The following CADM2 variants were observed in gnomAD, a reference collection of about 807,000 sequenced individuals.
The protein encoded by CADM2 is cell adhesion molecule 2.
A neutral mutation model predicts 49.8 loss-of-function variants in CADM2; 12 were observed. The observed-to-expected ratio is 0.24, with a 90% CI of 0.15 to 0.39. CADM2 has a LOEUF of 0.39. CADM2 is among the 10% of genes least tolerant of loss of function. The probability of loss-of-function intolerance (pLI) is 1.00; values close to 1 mark genes in which losing one functional copy is unlikely to be tolerated. For synonymous variants in CADM2, 214 were observed against 175.4 expected, an observed-to-expected ratio of 1.22 and a Z score of -1.74; for missense variants, 378 against 492.3, an observed-to-expected ratio of 0.77 and a Z score of 2.20.
At chr3:85,959,327 C>G (rs997515242) in intron 7 of CADM2, among the ~76,000 whole-genome samples, 9 of 151,714 alleles carry the variant, frequency 5.9e-5, no homozygotes, top group African/African-American at 2.2e-4. Flanking sequence ...AAACCCTGCC[C>G]TTTTAGGTTT....
chr3:85,848,086 C>A (rs2074955561), intron 3 of CADM2, among the ~76,000 whole-genome samples: 1 of 151,790 alleles, frequency 6.6e-6, no homozygotes, highest in Admixed American at 6.6e-5. Flanking sequence ...TTGATTGTTT[C>A]TCTTATGAAA....
intron 1 of CADM2, among the ~76,000 whole-genome samples, chr3:85,021,517 G>C (rs971427957): frequency 3.3e-5 from 5 of 152,100 alleles, no homozygotes; most frequent in Admixed American, 3.3e-4. Flanking sequence ...ACTCACACCT[G>C]TAATCCCAGC....
At position 85,992,351 on chromosome 3, in the gene CADM2, A is replaced by G. The variant is rs546162777; in HGVS notation, c.970+30704A>G. ...CTTAAGTTTTTAGTAAGTTTTAATG[A>G]CCTTCCTCTGAATATGAAAATATTA... On this transcript the variant is annotated intron_variant, in intron 8 of 9. Coordinates refer to ENST00000383699, the MANE Select transcript of CADM2 (RefSeq NM_001167675.2). 3.3e-5 allele frequency: 5 copies of G among 152,208 alleles called. No individual in the cohort carries two copies. In the South Asian group the frequency reaches 8.3e-4, roughly 25 times the overall value. 9.4% of individuals were successfully genotyped at this position (152,208 alleles called of 1,614,324 possible). A position where few individuals can be genotyped will look rare whatever the true frequency, so the allele number is the denominator to read the frequency against.
chr3:85,910,735 G>T (rs183991224), intron 5 of CADM2, among the ~76,000 whole-genome samples: 275 of 151,990 alleles, frequency 1.8e-3, no homozygotes, highest in African/African-American at 5.9e-3. Context: ...AAAACATTTT[G>T]TGGTAAAAAT....
chr3:85,310,718 G>C (rs146750008), intron 1 of CADM2, among the ~76,000 whole-genome samples: 1 of 151,946 alleles, frequency 6.6e-6, no homozygotes, highest in East Asian at 1.9e-4. Flanking sequence ...GGTTTTTTCT[G>C]TTCCTTTTTG....
intron 1 of CADM2, among the ~76,000 whole-genome samples, chr3:85,628,608 T>C (rs1463763876): frequency 7.2e-6 from 1 of 139,196 alleles, no homozygotes; most frequent in East Asian, 2.1e-4. Context: ...TACACATATA[T>C]ACATTTATAT....
intron 6 of CADM2, among the ~76,000 whole-genome samples, chr3:85,930,484 T>G (rs555549634): frequency 6.6e-6 from 1 of 152,130 alleles, no homozygotes; most frequent in Non-Finnish European, 1.5e-5. Flanking sequence ...TATTTTAAAA[T>G]ATATAGTTAA....
At chr3:85,813,156 C>T (rs1201051563) in intron 3 of CADM2, among the ~76,000 whole-genome samples, 1 of 151,972 alleles carries the variant, frequency 6.6e-6, no homozygotes, top group Non-Finnish European at 1.5e-5. Context: ...ACTAATTTAC[C>T]CTCCCACCAA....
intron 2 of CADM2, among the ~76,000 whole-genome samples, chr3:85,748,645 C>G (rs1168623240): frequency 3.9e-5 from 6 of 152,142 alleles, no homozygotes; most frequent in Non-Finnish European, 5.9e-5. Context: ...TTTCCTCAGT[C>G]TTTCCACAGC....
At chr3:85,734,633 ATC>A (rs1273881545) in intron 2 of CADM2, among the ~76,000 whole-genome samples, 4 of 147,798 alleles carry the variant, frequency 2.7e-5, no homozygotes, top group South Asian at 2.1e-4. Context: ...AACTCACCAT[ATC>A]TCTCTCTTTT....
intron 1 of CADM2, among the ~76,000 whole-genome samples, chr3:85,204,812 A>G (rs1162129980): frequency 6.6e-6 from 1 of 152,110 alleles, no homozygotes; most frequent in African/African-American, 2.4e-5. Context: ...AATAATTTGT[A>G]CTACTATCTT....
intron 8 of CADM2, among the ~76,000 whole-genome samples, chr3:86,030,404 T>C (rs1734419505): frequency 6.6e-6 from 1 of 152,012 alleles, no homozygotes. Context: ...CCTGGAACTC[T>C]TAAGGATATT....
At chr3:85,118,733 A>G (rs2107585557) in intron 1 of CADM2, among the ~76,000 whole-genome samples, 1 of 152,204 alleles carries the variant, frequency 6.6e-6, no homozygotes, top group African/African-American at 2.4e-5. Flanking sequence ...AATGTTGTCC[A>G]TTTATTTATA....
chr3:86,059,781 G>A (rs1738397711), intron 8 of CADM2, among the ~76,000 whole-genome samples: 1 of 152,046 alleles, frequency 6.6e-6, no homozygotes. Flanking sequence ...TACTCTTCCT[G>A]CATCATTCAG....
chr3:85,245,260 C>A (rs1217999208), intron 1 of CADM2, among the ~76,000 whole-genome samples: 3 of 152,238 alleles, frequency 2.0e-5, no homozygotes, highest in Admixed American at 6.5e-5. Context: ...AGCCTGTAAT[C>A]CCAGCACTTT....
At chr3:85,158,880 A>G (rs1206243581) in intron 1 of CADM2, among the ~76,000 whole-genome samples, 2 of 152,066 alleles carry the variant, frequency 1.3e-5, no homozygotes, top group Non-Finnish European at 2.9e-5. Context: ...AAAAATTTAA[A>G]AAAAATTAAC....
chr3:85,063,438 G>A (rs2036410795), intron 1 of CADM2, among the ~76,000 whole-genome samples: 1 of 151,918 alleles, frequency 6.6e-6, no homozygotes, highest in East Asian at 1.9e-4. Context: ...TTTAGAAATA[G>A]AGCTAATGCC....
intron 1 of CADM2, among the ~76,000 whole-genome samples, chr3:85,524,863 G>A (rs774894374): frequency 5.9e-5 from 9 of 152,130 alleles, no homozygotes; most frequent in Non-Finnish European, 1.3e-4. Flanking sequence ...ATGTCCTCCT[G>A]ATGAACTGAT....
At chr3:85,057,387 T>C (rs2107429692) in intron 1 of CADM2, among the ~76,000 whole-genome samples, 1 of 152,236 alleles carries the variant, frequency 6.6e-6, no homozygotes, top group East Asian at 1.9e-4. Flanking sequence ...TCTTCAATTT[T>C]ACACAAATTC....
Sources: gnomAD v4.1 joint callset for allele counts (sites outside exome capture counted in the v4.1 genomes callset) on GRCh38, gnomAD v4.1.1 for gene constraint, MANE v1.5 for transcripts, NCBI Gene and HGNC (gene_info 2026-07-23, HGNC 2026-07-21) for gene names.